STPG2: variants seen among roughly 807,000 people sequenced by gnomAD.
STPG2 encodes sperm-tail PG-rich repeat-containing protein 2.
In STPG2, 56 loss-of-function variants were observed where a neutral mutation model predicts 54.2. That is an observed-to-expected ratio of 1.03 (90% CI 0.83 to 1.29). The LOEUF (loss-of-function observed/expected upper bound fraction) is 1.29, where lower values mean the gene tolerates loss of function less well. STPG2 is among the 50% of genes most tolerant of loss of function. STPG2 has a pLI of 0.00. For missense variants in STPG2, 596 were observed against 544.9 expected (o/e 1.09, Z -0.93); for synonymous variants, 200 against 181.8 (o/e 1.10, Z -0.81).
intron 10 of STPG2, among the ~76,000 whole-genome samples, chr4:97,585,636 T>A (rs1732978193): frequency 6.6e-6 from 1 of 151,894 alleles, no homozygotes; most frequent in Non-Finnish European, 1.5e-5. Context: ...ACTGTTTTCA[T>A]ATGTTTTAGG....
intron 8 of STPG2, among the ~76,000 whole-genome samples, chr4:97,859,984 C>T (rs981239607): frequency 6.6e-6 from 1 of 152,136 alleles, no homozygotes. Flanking sequence ...AGCAGGGTTC[C>T]TTCTTTCTCC....
chr4:97,966,594 G>A (rs1734107592), intron 7 of STPG2, among the ~76,000 whole-genome samples: 1 of 152,126 alleles, frequency 6.6e-6, no homozygotes. Flanking sequence ...AGGCTGAAAT[G>A]AAGAAAAAAT....
chr4:97,516,849 AAT>A (rs61425012), intron 4 of STPG2, among the ~76,000 whole-genome samples: 6 of 149,054 alleles, frequency 4.0e-5, no homozygotes, highest in African/African-American at 7.4e-5. Flanking sequence ...CAACAACAAC[AAT>A]ATATATATAT....
At chr4:97,515,888 G>A (rs1264186416) in intron 4 of STPG2, among the ~76,000 whole-genome samples, 2 of 151,850 alleles carry the variant, frequency 1.3e-5, no homozygotes, top group Non-Finnish European at 2.9e-5. Flanking sequence ...ATGTTATGTC[G>A]AATATTTTCT....
At chr4:97,826,937 ATTG>A (rs1414791379) in intron 9 of STPG2, among the ~76,000 whole-genome samples, 2 of 152,188 alleles carry the variant, frequency 1.3e-5, no homozygotes, top group Admixed American at 6.5e-5. Flanking sequence ...TTCACAGACA[ATTG>A]TTGTCTTGTT....
intron 4 of STPG2, among the ~76,000 whole-genome samples, chr4:97,520,075 G>A (rs555180851): frequency 6.6e-6 from 1 of 152,132 alleles, no homozygotes; most frequent in South Asian, 2.1e-4. Flanking sequence ...CAAAGTGGGG[G>A]AAAAACCATA....
chr4:98,018,456 TGAG>T (rs1322306930), intron 5 of STPG2, among the ~76,000 whole-genome samples: 4 of 152,184 alleles, frequency 2.6e-5, no homozygotes, highest in African/African-American at 7.2e-5. Flanking sequence ...TTTGCGATTG[TGAG>T]TAGTGCCACA....
intron 5 of STPG2, among the ~76,000 whole-genome samples, chr4:98,103,810 C>G (rs772807597): frequency 6.6e-6 from 1 of 152,030 alleles, no homozygotes; most frequent in Non-Finnish European, 1.5e-5. Context: ...ATCTGTGTTC[C>G]TCCAGGATCT....
intron 8 of STPG2, among the ~76,000 whole-genome samples, chr4:97,940,229 ATTCT>A (rs1268948923): frequency 6.6e-6 from 1 of 152,114 alleles, no homozygotes; most frequent in East Asian, 1.9e-4. Context: ...TGACTTTAAC[ATTCT>A]TTCTTTCATT....
chr4:97,710,086 T>A (rs551968179), intron 10 of STPG2, among the ~76,000 whole-genome samples: 1 of 149,780 alleles, frequency 6.7e-6, no homozygotes, highest in South Asian at 2.1e-4. Context: ...AGTGAACTTT[T>A]ATAGATTAAT....
At chr4:98,067,712 A>G (rs1737876430) in intron 5 of STPG2, among the ~76,000 whole-genome samples, 1 of 152,198 alleles carries the variant, frequency 6.6e-6, no homozygotes, top group Admixed American at 6.5e-5. Flanking sequence ...GAGACGAAGG[A>G]TAGGGCTAAT....
At chr4:97,782,674 A>C (rs950421825) in intron 9 of STPG2, among the ~76,000 whole-genome samples, 4 of 152,242 alleles carry the variant, frequency 2.6e-5, no homozygotes, top group African/African-American at 9.6e-5. Flanking sequence ...ACCTGACTTC[A>C]AACTTTACTA....
Position 97,580,856 on chromosome 4 carries a change from T to C in STPG2, c.1321-21739A>G, listed in dbSNP as rs551418180. Among the ~76,000 whole-genome samples the C allele has an allele frequency of 3.9e-5, 6 of 152,070 alleles. No homozygotes were observed. In the South Asian group the frequency reaches 1.2e-3, roughly 31 times the overall value. ...AAATATAATTAAATTTTCATGGAGA[T>C]ACAGGTATTTCAAATAAACATCAAG... On this transcript the variant is annotated intron_variant, in intron 10 of 10. Transcript: ENST00000295268.
At chr4:97,883,188 T>G (rs971822294) in intron 8 of STPG2, among the ~76,000 whole-genome samples, 1 of 151,344 alleles carries the variant, frequency 6.6e-6, no homozygotes, top group African/African-American at 2.4e-5. Flanking sequence ...TATACATATA[T>G]GTATATAAAT....
At chr4:98,012,560 T>C (rs1735792780) in intron 5 of STPG2, among the ~76,000 whole-genome samples, 1 of 152,228 alleles carries the variant, frequency 6.6e-6, no homozygotes, top group South Asian at 2.1e-4. Flanking sequence ...ATTTTCATGA[T>C]ATTGATTCTT....
chr4:97,519,141 C>A (rs1230975024), intron 4 of STPG2, among the ~76,000 whole-genome samples: 1 of 152,046 alleles, frequency 6.6e-6, no homozygotes, highest in African/African-American at 2.4e-5. Context: ...AATTACAGAG[C>A]TGCCAATACA....
At chr4:97,544,121 C>G (rs1731781471) in intron 4 of STPG2, among the ~76,000 whole-genome samples, 1 of 151,990 alleles carries the variant, frequency 6.6e-6, no homozygotes, top group Admixed American at 6.6e-5. Flanking sequence ...AAAAACACTT[C>G]ATTAGGAAGT....
At chr4:97,878,923 C>A (rs113506560) in intron 8 of STPG2, among the ~76,000 whole-genome samples, 1 of 151,500 alleles carries the variant, frequency 6.6e-6, no homozygotes, top group Non-Finnish European at 1.5e-5. Flanking sequence ...TTAAAAGTAC[C>A]AAAGTCACCC....
At chr4:97,715,463 A>G (rs148057591) in intron 9 of STPG2, among the ~76,000 whole-genome samples, 126 of 152,274 alleles carry the variant, frequency 8.3e-4, no homozygotes, top group African/African-American at 2.8e-3. Context: ...CCAATGCTAC[A>G]GGGCAAAAAT....
Sources: gnomAD v4.1 joint callset for allele counts (sites outside exome capture counted in the v4.1 genomes callset) on GRCh38, gnomAD v4.1.1 for gene constraint, MANE v1.5 for transcripts, NCBI Gene and HGNC (gene_info 2026-07-23, HGNC 2026-07-21) for gene names.